FHIT: variants seen among roughly 807,000 people sequenced by gnomAD.
FHIT encodes the protein fragile histidine triad diadenosine triphosphatase.
FHIT carries 19 observed loss-of-function variants against 17.9 expected under a neutral mutation model. The observed-to-expected ratio is 1.06, with a 90% CI of 0.74 to 1.56. The LOEUF (loss-of-function observed/expected upper bound fraction) is 1.56. Ranked by LOEUF, FHIT falls within the 40% of genes most tolerant of loss-of-function variation. The pLI is 0.00. For synonymous variants in FHIT, 81 were observed against 69.7 expected (o/e 1.16, Z -0.81); for missense variants, 248 against 189.2 (o/e 1.31, Z -1.82).
chr3:59,830,167 T>G (rs1429617511), intron 8 of FHIT, among the ~76,000 whole-genome samples: 1 of 152,190 alleles, frequency 6.6e-6, no homozygotes, highest in South Asian at 2.1e-4. Context: ...AAGAATAGCT[T>G]AGTTTACTGT....
chr3:59,986,851 G>C (rs1202491491), intron 7 of FHIT, among the ~76,000 whole-genome samples: 2 of 68,206 alleles, frequency 2.9e-5, no homozygotes, highest in South Asian at 4.1e-4. Flanking sequence ...TATATGTATA[G>C]GATTTACTAT....
chr3:59,964,825 A>G (rs1383429393), intron 7 of FHIT, among the ~76,000 whole-genome samples: 3 of 152,202 alleles, frequency 2.0e-5, no homozygotes, highest in African/African-American at 7.2e-5. Context: ...AAAGCCCTAT[A>G]TATCAAACCA....
At chr3:61,045,840 C>A (rs543687043) in intron 2 of FHIT, among the ~76,000 whole-genome samples, 25 of 152,282 alleles carry the variant, frequency 1.6e-4, no homozygotes, top group African/African-American at 5.5e-4. Context: ...GAAACTCACT[C>A]AAAACCACTC....
At chr3:59,767,104 A>C (rs1034903305) in intron 8 of FHIT, among the ~76,000 whole-genome samples, 3 of 152,180 alleles carry the variant, frequency 2.0e-5, no homozygotes, top group African/African-American at 7.2e-5. Flanking sequence ...TTGGGTGGAG[A>C]GAAAACTCAT....
intron 5 of FHIT, among the ~76,000 whole-genome samples, chr3:60,442,144 G>C (rs1303389183): frequency 6.6e-6 from 1 of 151,814 alleles, no homozygotes; most frequent in African/African-American, 2.4e-5. Flanking sequence ...GCAGGCATAA[G>C]CCACCATGCC....
At chr3:60,018,151 A>G (rs1415327754) in intron 5 of FHIT, among the ~76,000 whole-genome samples, 1 of 152,194 alleles carries the variant, frequency 6.6e-6, no homozygotes, top group East Asian at 1.9e-4. Context: ...CAGAAGTGGA[A>G]GGGAAAACAG....
chr3:60,036,624 C>T (rs1195638908), intron 5 of FHIT, among the ~76,000 whole-genome samples: 1 of 152,132 alleles, frequency 6.6e-6, no homozygotes, highest in African/African-American at 2.4e-5. Flanking sequence ...ATAGTCCCGC[C>T]ACCCTAAACC....
At chr3:60,908,485 A>G (rs1323308684) in intron 3 of FHIT, among the ~76,000 whole-genome samples, 4 of 152,276 alleles carry the variant, frequency 2.6e-5, no homozygotes, top group African/African-American at 9.6e-5. Context: ...CAATGGCACA[A>G]TGGGGTGCCC....
chr3:60,861,798 A>G (rs1703913545), intron 3 of FHIT, among the ~76,000 whole-genome samples: 1 of 152,130 alleles, frequency 6.6e-6, no homozygotes, highest in Non-Finnish European at 1.5e-5. Flanking sequence ...CAAAATAAAT[A>G]TAATCCTTTT....
intron 3 of FHIT, among the ~76,000 whole-genome samples, chr3:61,006,269 A>C (rs1182313350): frequency 6.6e-6 from 1 of 152,156 alleles, no homozygotes; most frequent in Non-Finnish European, 1.5e-5. Flanking sequence ...ATGCCAAAAG[A>C]AGACTCAGAA....
chr3:60,537,049 A>G, intron 4 of FHIT, 70 bp from the exon 5 acceptor site: 1 of 1,298,078 alleles, frequency 7.7e-7, no homozygotes, highest in Non-Finnish European at 1.0e-6. Context: ...ACCTTAAAGA[A>G]AGCAAATTCC....
At chr3:60,906,622 G>T (rs1423046832) in intron 3 of FHIT, among the ~76,000 whole-genome samples, 18 of 152,140 alleles carry the variant, frequency 1.2e-4, no homozygotes, top group Admixed American at 2.6e-4. Flanking sequence ...CTCAAAGACT[G>T]ATGGAGATAT....
chr3:60,019,414 C>CTTTTTTTTTTT (rs1700467459), intron 5 of FHIT, among the ~76,000 whole-genome samples: 1 of 107,074 alleles, frequency 9.3e-6, no homozygotes, highest in South Asian at 4.4e-4. Flanking sequence ...TTGAGATGCT[C>CTTTTTTTTTTT]CTTTTTTTTT....
At chr3:60,234,394 TTC>T (rs1195184704) in intron 5 of FHIT, among the ~76,000 whole-genome samples, 2 of 152,242 alleles carry the variant, frequency 1.3e-5, no homozygotes, top group Non-Finnish European at 2.9e-5. Flanking sequence ...CCTGTGAGTT[TTC>T]TCTGAATTGC....
At chr3:61,201,610 C>T (rs2039015517) in intron 1 of FHIT, among the ~76,000 whole-genome samples, 1 of 151,996 alleles carries the variant, frequency 6.6e-6, no homozygotes, top group African/African-American at 2.4e-5. Flanking sequence ...TCCCTCTATT[C>T]CATCAAAGAA....
intron 2 of FHIT, among the ~76,000 whole-genome samples, chr3:61,138,029 C>T (rs189568451): frequency 7.0e-4 from 106 of 152,174 alleles, no homozygotes; most frequent in Non-Finnish European, 1.1e-3. Flanking sequence ...AACTATATGA[C>T]CTTGGATAAA....
intron 8 of FHIT, among the ~76,000 whole-genome samples, chr3:59,891,207 C>T (rs1390003575): frequency 6.6e-6 from 1 of 152,134 alleles, no homozygotes; most frequent in African/African-American, 2.4e-5. Context: ...GGTCAGTTGC[C>T]AACTCTGGCG....
chr3:60,849,604 T>C (rs1553747652), intron 3 of FHIT, among the ~76,000 whole-genome samples: 1 of 152,018 alleles, frequency 6.6e-6, no homozygotes, highest in Non-Finnish European at 1.5e-5. Flanking sequence ...GAAAAATTGA[T>C]TGATTCCGAT....
intron 3 of FHIT, among the ~76,000 whole-genome samples, chr3:60,853,422 GACTA>G (rs1183877692): frequency 2.6e-5 from 4 of 152,054 alleles, no homozygotes; most frequent in Non-Finnish European, 4.4e-5. Flanking sequence ...CTGGAATCAT[GACTA>G]ACTGTGTTCA....
Sources: allele counts gnomAD v4.1 joint callset (sites outside exome capture counted in the v4.1 genomes callset), GRCh38; gene constraint gnomAD v4.1.1; transcripts MANE v1.5; gene names NCBI Gene and HGNC (gene_info 2026-07-23, HGNC 2026-07-21).